The following DHRSX variants were observed in gnomAD, a reference collection of about 807,000 sequenced individuals.
DHRSX encodes the protein dehydrogenase/reductase X-linked.
Under a neutral mutation model 34.0 loss-of-function variants are expected in DHRSX, and 31 were observed. The ratio of observed to expected loss-of-function variants is 0.91; its 90% confidence interval spans 0.69 to 1.23. The LOEUF (loss-of-function observed/expected upper bound fraction) is 1.23, where lower values mean the gene tolerates loss of function less well. Ranked by LOEUF, DHRSX falls within the 50% of genes most tolerant of loss-of-function variation. The pLI, the probability that DHRSX is intolerant of heterozygous loss-of-function variation, is 0.00. For missense variants in DHRSX, 414 were observed against 428.1 expected, an observed-to-expected ratio of 0.97 and a Z score of 0.29; for synonymous variants, 201 against 183.8, an observed-to-expected ratio of 1.09 and a Z score of -0.76.
chrX:2,346,865 G>T lies in DHRSX; in HGVS notation c.287-55262C>A, dbSNP rs759652392. The stretch of plus-strand genomic sequence containing the variant: ...CTCCCTGTGTCCATGTGTTCTCATT[G>T]TTCAACTCCCACTTATGAGTGAGAA... On this transcript the variant is annotated intron_variant, in intron 3 of 6. Transcript: ENST00000334651. Among the ~76,000 whole-genome samples the T allele has an allele frequency of 3.3e-5, 5 of 151,474 alleles. No homozygotes were observed. The East Asian group carries it at 9.7e-4, about 29-fold the overall frequency.
chrX:2,270,548 ACT>A (rs1294179304), intron 4 of DHRSX, among the ~76,000 whole-genome samples: 6 of 152,144 alleles, frequency 3.9e-5, no homozygotes, highest in African/African-American at 1.4e-4. Flanking sequence ...CCCACAGAAG[ACT>A]CAGCAGTGGG....
chrX:2,462,196 A>C (rs961936546), intron 1 of DHRSX, among the ~76,000 whole-genome samples: 91 of 152,108 alleles, frequency 6.0e-4, no homozygotes, highest in African/African-American at 2.1e-3. Context: ...AAAAAAAAAA[A>C]AAAGAAAAAA....
intron 3 of DHRSX, among the ~76,000 whole-genome samples, chrX:2,312,895 G>A (rs1354183086): frequency 2.0e-5 from 3 of 151,996 alleles, no homozygotes; most frequent in African/African-American, 7.2e-5. Flanking sequence ...ACTGCTGACC[G>A]CAAGTCTTAG....
At chrX:2,248,742 C>A (rs1388150486) in intron 5 of DHRSX, among the ~76,000 whole-genome samples, 3 of 152,066 alleles carry the variant, frequency 2.0e-5, no homozygotes, top group Non-Finnish European at 2.9e-5. Flanking sequence ...CACCCCACCC[C>A]CAGAAGGAAG....
At chrX:2,226,917 G>A (rs949086445) in intron 6 of DHRSX, among the ~76,000 whole-genome samples, 3 of 152,092 alleles carry the variant, frequency 2.0e-5, no homozygotes, top group South Asian at 2.1e-4. Flanking sequence ...TCTCAGAGTC[G>A]CTTTTGTTAG....
intron 3 of DHRSX, among the ~76,000 whole-genome samples, chrX:2,349,899 C>T (rs919545333): frequency 3.5e-5 from 5 of 142,184 alleles, no homozygotes; most frequent in East Asian, 4.0e-4. Context: ...ATTAGCCAGG[C>T]GTGGTGGCAG....
chrX:2,297,886 G>A (rs1411899438), intron 3 of DHRSX, among the ~76,000 whole-genome samples: 1 of 151,760 alleles, frequency 6.6e-6, no homozygotes, highest in African/African-American at 2.4e-5. Context: ...CTCCCAAGTA[G>A]CTGGGATTAC....
At chrX:2,362,128 G>A (rs978158077) in intron 3 of DHRSX, among the ~76,000 whole-genome samples, 1 of 152,186 alleles carries the variant, frequency 6.6e-6, no homozygotes, top group Non-Finnish European at 1.5e-5. Flanking sequence ...AAGAGCCCTA[G>A]AGAGAGTGGG....
chrX:2,259,307 G>GAT (rs1043599033), intron 5 of DHRSX, among the ~76,000 whole-genome samples: 5 of 145,912 alleles, frequency 3.4e-5, no homozygotes, highest in African/African-American at 1.0e-4. Context: ...TATAGATATA[G>GAT]ATATAGATAT....
chrX:2,246,702 GAAAGAGAAAGAA>G (rs2016295474), intron 5 of DHRSX, among the ~76,000 whole-genome samples: 2 of 93,452 alleles, frequency 2.1e-5, no homozygotes, highest in South Asian at 3.5e-4. Flanking sequence ...AGAAAAGAAA[GAAAGAGAAAGAA>G]AGAAAGAAAG....
chrX:2,490,930 T>C (rs1443850999), intron 1 of DHRSX, among the ~76,000 whole-genome samples: 6 of 151,918 alleles, frequency 3.9e-5, no homozygotes, highest in Non-Finnish European at 5.9e-5. Flanking sequence ...TTTTGCAGAG[T>C]GGAGGAGGGA....
At chrX:2,396,728 C>T (rs945638278) in intron 3 of DHRSX, among the ~76,000 whole-genome samples, 4 of 151,176 alleles carry the variant, frequency 2.6e-5, no homozygotes, top group African/African-American at 9.7e-5. Flanking sequence ...CCGCATCACT[C>T]CAGTCTCTGT....
chrX:2,451,256 C>G (rs6641715), intron 1 of DHRSX, among the ~76,000 whole-genome samples: 10,377 of 148,282 alleles, frequency 0.07, 453 homozygotes, highest in African/African-American at 0.11. Flanking sequence ...AAAAAAGTTG[C>G]ATCAAGAATG....
chrX:2,359,249 G>T (rs1401581665), intron 3 of DHRSX, among the ~76,000 whole-genome samples: 1 of 152,092 alleles, frequency 6.6e-6, no homozygotes. Context: ...CCCATGCCTG[G>T]GTATATACCC....
At chrX:2,462,076 C>T (rs936574540) in intron 1 of DHRSX, among the ~76,000 whole-genome samples, 1 of 151,760 alleles carries the variant, frequency 6.6e-6, no homozygotes, top group Non-Finnish European at 1.5e-5. Context: ...TACTGAATTA[C>T]AGTGACAAAA....
intron 4 of DHRSX, among the ~76,000 whole-genome samples, chrX:2,276,688 C>G (rs186054216): frequency 1.3e-5 from 2 of 148,584 alleles, no homozygotes; most frequent in Admixed American, 1.4e-4. Context: ...GCTCTCCAAG[C>G]GGAGAACTCC....
At chrX:2,345,551 G>A (rs1479112264) in intron 3 of DHRSX, among the ~76,000 whole-genome samples, 1 of 151,306 alleles carries the variant, frequency 6.6e-6, no homozygotes, top group Non-Finnish European at 1.5e-5. Context: ...GGAGGATGAG[G>A]CAGAAGAATT....
At chrX:2,273,930 A>C (rs66968308) in intron 4 of DHRSX, among the ~76,000 whole-genome samples, 107,453 of 152,064 alleles carry the variant, frequency 0.71, 39,146 homozygotes, top group African/African-American at 0.8. Flanking sequence ...AAGCTGCGTG[A>C]GAATTCCTGC....
chrX:2,324,209 C>A (rs763423580), intron 3 of DHRSX, among the ~76,000 whole-genome samples: 133 of 152,226 alleles, frequency 8.7e-4, no homozygotes, highest in Non-Finnish European at 1.4e-3. Context: ...CATTTCCCTC[C>A]AAGGAGAACA....
Sources: allele counts gnomAD v4.1 joint callset (sites outside exome capture counted in the v4.1 genomes callset), GRCh38; gene constraint gnomAD v4.1.1; transcripts MANE v1.5; gene names NCBI Gene and HGNC (gene_info 2026-07-23, HGNC 2026-07-21).